The following ASZ1 variants were observed in gnomAD, a reference collection of about 807,000 sequenced individuals.
ASZ1 encodes ankyrin repeat, SAM and basic leucine zipper domain containing 1.
Under a neutral mutation model 61.8 loss-of-function variants are expected in ASZ1, and 67 were observed. That is an observed-to-expected ratio of 1.08 (90% CI 0.89 to 1.33). The LOEUF (loss-of-function observed/expected upper bound fraction) is 1.33, where lower values mean the gene tolerates loss of function less well. Among genes scored for constraint, ASZ1 ranks in the 40% most tolerant of loss-of-function variants. The probability of loss-of-function intolerance (pLI) is 0.00; values close to 1 mark genes in which losing one functional copy is unlikely to be tolerated. For missense variants in ASZ1, 577 were observed against 554.5 expected, an observed-to-expected ratio of 1.04 and a Z score of -0.41; for synonymous variants, 193 against 192.7, an observed-to-expected ratio of 1.00 and a Z score of -0.01.
chr7:117,368,136 A>G (rs909464810), intron 11 of ASZ1: 8 of 577,666 alleles, frequency 1.4e-5, no homozygotes, highest in South Asian at 7.6e-5. Context: ...CATGCTGCTC[A>G]GGCTGGTCTC....
At chr7:117,416,194 T>C (rs1319755709) in intron 4 of ASZ1, among the ~76,000 whole-genome samples, 3 of 151,814 alleles carry the variant, frequency 2.0e-5, no homozygotes, top group East Asian at 1.9e-4. Flanking sequence ...TCAAAATAAA[T>C]AAATAAATAA....
chr7:117,367,571 G>C (rs951003439), intron 11 of ASZ1, 106 bp from the exon 12 acceptor site: 1 of 1,196,972 alleles, frequency 8.4e-7, no homozygotes, highest in Non-Finnish European at 1.1e-6. Context: ...TTACATAATT[G>C]AAAGGCATTT....
rs1168334905 is a variant in ASZ1, at chr7:117,367,415, T to C, written c.1212A>G (p.Glu404=). Residue 404 remains glutamate (E), a synonymous_variant, in exon 12 of 13, where the codon GAA becomes GAG. Transcript: ENST00000284629. Reference sequence around the variant, plus strand: ...TCAAATCTTCAACATTATTAACCAATTCTTCACAAACTGAAGTAAAATTCT... The same window carrying C: ...TCAAATCTTCAACATTATTAACCAACTCTTCACAAACTGAAGTAAAATTCT... The part of the protein sequence containing the change: ...SPQNFTSVCE[E]LVNNVEDLSE... The C allele has an allele frequency of 1.3e-6, 2 of 1,569,876 alleles. No individual in the cohort carries two copies. Among genetic ancestry groups the C allele is most frequent in the African/African-American group, 1.4e-5 (1 of 72,818 alleles).
At chr7:117,408,875 G>A (rs1190321202) in intron 4 of ASZ1, among the ~76,000 whole-genome samples, 1 of 152,088 alleles carries the variant, frequency 6.6e-6, no homozygotes, top group Non-Finnish European at 1.5e-5. Context: ...TTCCTAGGGT[G>A]AGGAAGAATG....
At position 117,387,307 on chromosome 7, in the gene ASZ1, TCAACAA is replaced by T. The variant is rs3034755; in HGVS notation, c.441-1504_441-1499del. Among the ~76,000 whole-genome samples the T allele has an allele frequency of 7.0e-3, 1,025 of 147,332 alleles. 20 individuals carry two copies. Among genetic ancestry groups the T allele is most frequent in the South Asian group, 0.056 (252 of 4,526 alleles). On this transcript the variant is annotated intron_variant, in intron 4 of 12. Transcript: ENST00000284629. ...TAGGCAACCAGAGTGAGACCCTGTC[TCAACAA>T]CAACAACAACAACAACAACAACAAC...
At chr7:117,372,060 T>C (rs1274309605) in intron 10 of ASZ1, among the ~76,000 whole-genome samples, 1 of 152,170 alleles carries the variant, frequency 6.6e-6, no homozygotes, top group African/African-American at 2.4e-5. Flanking sequence ...CAGTGTGCCA[T>C]TTACACTATG....
chr7:117,404,518 A>G (rs1796745711), intron 4 of ASZ1, among the ~76,000 whole-genome samples: 1 of 150,900 alleles, frequency 6.6e-6, no homozygotes, highest in South Asian at 2.1e-4. Flanking sequence ...TGGGCTGCCC[A>G]GGATACTGGC....
At chr7:117,425,809 T>C (rs1797193790) in intron 2 of ASZ1, among the ~76,000 whole-genome samples, 1 of 151,200 alleles carries the variant, frequency 6.6e-6, no homozygotes, top group Non-Finnish European at 1.5e-5. Flanking sequence ...GCCGACATGG[T>C]GAAACCCCCG....
intron 4 of ASZ1, among the ~76,000 whole-genome samples, chr7:117,398,465 A>G (rs1796616547): frequency 6.6e-6 from 1 of 152,204 alleles, no homozygotes; most frequent in Non-Finnish European, 1.5e-5. Flanking sequence ...CTGGATTAAG[A>G]TATCACATCC....
Position 117,420,199 on chromosome 7 carries a change from A to T in ASZ1, c.404T>A (p.Leu135Gln). The change falls in exon 4 of 13, where the codon CTA (leucine) becomes CAA (glutamine). Residue 135 changes from leucine to glutamine, a missense_variant. Physicochemically the swap from Leu to Gln is moderately radical, Grantham distance 113. Transcript: ENST00000284629. ...EEQILKCVEL[L>Q]LSRNADPNVA... ...ATTTGGATCAGCATTTCTTGAAAGTAGTAGTTCTACACACTTCAAGATCTG... is the reference window on the plus strand; with the variant it reads ...ATTTGGATCAGCATTTCTTGAAAGTTGTAGTTCTACACACTTCAAGATCTG... The T allele has an allele frequency of 6.2e-7, 1 of 1,612,014 alleles. No homozygotes were observed. Among genetic ancestry groups the T allele is most frequent in the African/African-American group, 1.3e-5 (1 of 75,028 alleles).
intron 4 of ASZ1, among the ~76,000 whole-genome samples, chr7:117,386,095 T>C (rs1000258323): frequency 2.0e-5 from 3 of 152,322 alleles, no homozygotes; most frequent in South Asian, 4.1e-4. Flanking sequence ...TTCACTAATA[T>C]ACATATTCAT....
intron 4 of ASZ1, among the ~76,000 whole-genome samples, chr7:117,404,106 T>C (rs1796733888): frequency 6.6e-6 from 1 of 152,132 alleles, no homozygotes; most frequent in African/African-American, 2.4e-5. Context: ...GCACAGTCTA[T>C]TTTTAGGTGA....
chr7:117,368,517 A>G, intron 11 of ASZ1, 95 bp downstream of exon 11: 2 of 1,501,674 alleles, frequency 1.3e-6, no homozygotes, highest in Non-Finnish European at 1.8e-6. Flanking sequence ...ATGTAATTTC[A>G]GCAAATCAAT....
At chr7:117,373,121 A>G (rs17139755) in intron 10 of ASZ1, among the ~76,000 whole-genome samples, 1 of 152,200 alleles carries the variant, frequency 6.6e-6, no homozygotes, top group African/African-American at 2.4e-5. Context: ...AGTGGATGTC[A>G]GTTAGCTCAG....
At chr7:117,422,401 A>G (rs200047033) in intron 2 of ASZ1, 42 bp from the exon 3 acceptor site, 17 of 1,597,192 alleles carry the variant, frequency 1.1e-5, no homozygotes, top group Middle Eastern at 1.7e-4. Context: ...CACTACCACC[A>G]AAGAAAAAAA....
At chr7:117,393,028 A>G (rs1007484955) in intron 4 of ASZ1, among the ~76,000 whole-genome samples, 4 of 151,914 alleles carry the variant, frequency 2.6e-5, no homozygotes, top group African/African-American at 9.7e-5. Flanking sequence ...TGGTATTTTT[A>G]GTAGAGACGG....
Position 117,363,486 on chromosome 7 carries a change from G to T in ASZ1, c.*110C>A. 1.0e-6 allele frequency: 1 copy of T among 976,392 alleles called. No individual in the cohort carries two copies. 60.5% of individuals were successfully genotyped at this position (976,392 alleles called of 1,614,324 possible). A position where few individuals can be genotyped will look rare whatever the true frequency, so the allele number is the denominator to read the frequency against. On this transcript the variant is annotated 3_prime_UTR_variant, in exon 13 of 13. Coordinates refer to ENST00000284629, the MANE Select transcript of ASZ1 (RefSeq NM_130768.3). ...TCCACATTGTCAAAATTTTTCCTAT[G>T]GAATATTGGCAAAGAATGTAAAGTT...
chr7:117,426,686 G>A, intron 2 of ASZ1, 150 bp downstream of exon 2: 1 of 700,568 alleles, frequency 1.4e-6, no homozygotes, highest in Non-Finnish European at 2.4e-6. Context: ...AAATAAGGCA[G>A]ACTGGACTCA....
At position 117,420,632 on chromosome 7, in the gene ASZ1, A is replaced by G. The variant is rs531699606; in HGVS notation, c.329-358T>C. ...ACTCATGTTTGGGAAACAATGATCTATATTCTCTGATTTCACTTCTTATCC... is the reference window on the plus strand; with the variant it reads ...ACTCATGTTTGGGAAACAATGATCTGTATTCTCTGATTTCACTTCTTATCC... On this transcript the variant is annotated intron_variant, in intron 3 of 12. Transcript: ENST00000284629. Among the ~76,000 whole-genome samples, 11 of 152,318 alleles carry G rather than the reference A, an allele frequency of 7.2e-5. No homozygotes were observed. In the South Asian group the frequency reaches 2.3e-3, roughly 32 times the overall value.
Sources: allele counts gnomAD v4.1 joint callset (sites outside exome capture counted in the v4.1 genomes callset), GRCh38; gene constraint gnomAD v4.1.1; transcripts MANE v1.5; gene names NCBI Gene and HGNC (gene_info 2026-07-23, HGNC 2026-07-21).